The following ZFYVE28 variants were observed in gnomAD, a reference collection of about 807,000 sequenced individuals.
ZFYVE28 encodes the protein zinc finger FYVE-type containing 28.
In ZFYVE28, 40 loss-of-function variants were observed where a neutral mutation model predicts 82.1. That is an observed-to-expected ratio of 0.49 (90% confidence interval 0.38 to 0.63). The LOEUF is 0.63. Among genes scored for constraint, ZFYVE28 ranks in the 30% least tolerant of loss-of-function variants. ZFYVE28 has a pLI of 0.00. For missense variants in ZFYVE28, 1,321 were observed against 1,242.1 expected (o/e 1.06, Z -0.96); for synonymous variants, 612 against 546.1 (o/e 1.12, Z -1.68).
rs1040586431 is a variant in ZFYVE28 at position 2,409,272 on chromosome 4, C to A, written c.39+9013G>T. ...CACCAGGCCCAGATCCATCTACTTT[C>A]TCCATCCAGAGTCGCCTGCTGCCAT... On this transcript the variant is annotated intron_variant, in intron 1 of 12. Coordinates refer to ENST00000290974, the MANE Select transcript of ZFYVE28 (RefSeq NM_020972.3). This position sits in a 1 kb window ranked among gnomAD's most constrained non-coding sequence, Gnocchi z 4.4. Among the ~76,000 whole-genome samples, 5 of 149,860 alleles carry A rather than the reference C, an allele frequency of 3.3e-5. No individual in the cohort carries two copies. Among genetic ancestry groups the A allele is most frequent in the African/African-American group, 1.2e-4 (5 of 40,834 alleles).
At chr4:2,346,151 A>G (rs1723521841) in intron 2 of ZFYVE28, among the ~76,000 whole-genome samples, 1 of 144,906 alleles carries the variant, frequency 6.9e-6, no homozygotes, top group Admixed American at 7.1e-5. Context: ...ATACGGTGAA[A>G]CCCCGTCTCT....
chr4:2,346,614 G>A (rs1489877596), intron 2 of ZFYVE28, among the ~76,000 whole-genome samples: 1 of 152,138 alleles, frequency 6.6e-6, no homozygotes, highest in African/African-American at 2.4e-5. Context: ...AGGTCCAGTA[G>A]GAGAAATGGA....
intron 8 of ZFYVE28, among the ~76,000 whole-genome samples, chr4:2,302,944 C>T (rs767065808): frequency 7.9e-5 from 12 of 152,238 alleles, no homozygotes; most frequent in African/African-American, 1.2e-4. Flanking sequence ...GCCTTCAAAA[C>T]GCGGAGGACG....
intron 7 of ZFYVE28, among the ~76,000 whole-genome samples, chr4:2,314,651 T>C (rs909947960): frequency 1.3e-5 from 2 of 152,208 alleles, no homozygotes; most frequent in Non-Finnish European, 2.9e-5. Flanking sequence ...CATTTACCCC[T>C]TTCTGTCTTT....
At chr4:2,322,355 G>A (rs147941075) in intron 6 of ZFYVE28, among the ~76,000 whole-genome samples, 15 of 152,358 alleles carry the variant, frequency 9.8e-5, no homozygotes, top group African/African-American at 3.4e-4. Context: ...TGCAGCCGCT[G>A]CCCATGGCTA....
chr4:2,387,414 A>C (rs1408993465), intron 1 of ZFYVE28, among the ~76,000 whole-genome samples: 1 of 152,184 alleles, frequency 6.6e-6, no homozygotes, highest in East Asian at 1.9e-4. Context: ...CGGAAGCAGG[A>C]GACCCAAGTC....
At chr4:2,291,745 C>A (rs1713738611) in intron 8 of ZFYVE28, among the ~76,000 whole-genome samples, 1 of 152,218 alleles carries the variant, frequency 6.6e-6, no homozygotes, top group Non-Finnish European at 1.5e-5. Context: ...GCCTGCCACA[C>A]TTGCCGATGC....
In ZFYVE28 at chr4:2,394,424, C is replaced by G. The variant is rs554416165; in HGVS notation, c.39+23861G>C. Among the ~76,000 whole-genome samples, 1 of 152,308 alleles carries G rather than the reference C, an allele frequency of 6.6e-6. No homozygotes were observed. The highest frequency in any genetic ancestry group is 6.5e-5 in the Admixed American group (1 of 15,298). ...TGCTCCAATGCCTGGACCTGGAGGG[C>G]TCCTTCACGTTGCCAGCTGACTGGC... On this transcript the variant is annotated intron_variant, in intron 1 of 12. Transcript: ENST00000290974. This position sits in a 1 kb window ranked among gnomAD's most constrained non-coding sequence, Gnocchi z 4.0.
At chr4:2,345,449 TTAACCTCAGATTCAATA>T (rs1475597553) in intron 2 of ZFYVE28, among the ~76,000 whole-genome samples, 1 of 151,788 alleles carries the variant, frequency 6.6e-6, no homozygotes, top group Non-Finnish European at 1.5e-5. Context: ...CTGCATGAGA[TTAACCTCAGATTCAATA>T]TTTCAGAAAA....
rs1456365601 is a variant in ZFYVE28 at position 2,304,939 on chromosome 4, G to A, written c.1401C>T (p.Gly467=). Residue 467 remains glycine (G), a synonymous_variant, in exon 8 of 13, where the codon GGC becomes GGT. Transcript: ENST00000290974. ...TGCCCGCGAGGCTGGCCCCATCTGT[G>A]CCCTCGGCCTCGAGATTGTTGTTGC... ...DLSNNNLEAE[G]TDGASLAGTS... 6.2e-7 allele frequency: 1 copy of A among 1,612,664 alleles called. No homozygotes were observed.
chr4:2,335,870 G>A lies in ZFYVE28; in HGVS notation c.612-76C>T. 7.7e-7 allele frequency: 1 copy of A among 1,296,920 alleles called. No individual in the cohort carries two copies. 80.3% of individuals were successfully genotyped at this position (1,296,920 alleles called of 1,614,324 possible). A position where few individuals can be genotyped will look rare whatever the true frequency, so the allele number is the denominator to read the frequency against. ...CACAGGTTGGACCCCAGCAGGGACA[G>A]GCAGTGCGCTCAATCTGTACCTGCA... On this transcript the variant is annotated intron_variant, in intron 5 of 12. Transcript: ENST00000290974. The surrounding 1 kb of genome is among the most constrained non-coding windows in gnomAD (Gnocchi z 5.8).
At chr4:2,331,216 C>T (rs1037878161) in intron 6 of ZFYVE28, among the ~76,000 whole-genome samples, 4 of 151,816 alleles carry the variant, frequency 2.6e-5, no homozygotes, top group South Asian at 2.1e-4. Flanking sequence ...TGGGAAGCGT[C>T]GCACACACAC....
At chr4:2,279,375 G>A (rs544452169) in intron 8 of ZFYVE28, among the ~76,000 whole-genome samples, 5 of 152,210 alleles carry the variant, frequency 3.3e-5, no homozygotes, top group African/African-American at 4.8e-5. Context: ...AGGTTGCAGT[G>A]AGCCAAGATC....
chr4:2,350,188 G>A (rs955738034), intron 2 of ZFYVE28, among the ~76,000 whole-genome samples: 1 of 152,164 alleles, frequency 6.6e-6, no homozygotes, highest in Admixed American at 6.5e-5. Context: ...TTGTAGGCCG[G>A]GCGCAGTGGC....
chr4:2,335,966 A>G lies in ZFYVE28; in HGVS notation c.612-172T>C, dbSNP rs1276755896. 2.0e-5 allele frequency among the ~76,000 whole-genome samples: 3 copies of G among 152,184 alleles called. No homozygotes were observed. The highest frequency in any genetic ancestry group is 2.0e-4 in the Admixed American group (3 of 15,286). Reference sequence around the variant, plus strand: ...GTCCTCATATGTGCAAGGGGCTGGGACTGCAGGAAAAGGCCACACACTTCC... The same window carrying G: ...GTCCTCATATGTGCAAGGGGCTGGGGCTGCAGGAAAAGGCCACACACTTCC... On this transcript the variant is annotated intron_variant, in intron 5 of 12. Transcript: ENST00000290974. The surrounding 1 kb of genome is among the most constrained non-coding windows in gnomAD (Gnocchi z 5.8).
chr4:2,323,654 T>C (rs13128902), intron 6 of ZFYVE28, among the ~76,000 whole-genome samples: 3 of 151,344 alleles, frequency 2.0e-5, no homozygotes, highest in Non-Finnish European at 4.4e-5. Context: ...TAACTCGTCA[T>C]CTAGCATTAG....
At chr4:2,356,408 C>T (rs530679917) in intron 1 of ZFYVE28, among the ~76,000 whole-genome samples, 5 of 139,524 alleles carry the variant, frequency 3.6e-5, no homozygotes, top group Admixed American at 7.2e-5. Flanking sequence ...ACCCCGCCCC[C>T]CCGGCAGTTG....
chr4:2,276,190 CT>C (rs916083113), intron 8 of ZFYVE28, among the ~76,000 whole-genome samples: 4 of 151,864 alleles, frequency 2.6e-5, no homozygotes, highest in East Asian at 1.9e-4. Context: ...ACGGGGCCCC[CT>C]CCCTCATGGC....
intron 8 of ZFYVE28, among the ~76,000 whole-genome samples, chr4:2,289,569 C>G (rs1299687394): frequency 6.6e-6 from 1 of 152,140 alleles, no homozygotes; most frequent in Non-Finnish European, 1.5e-5. Flanking sequence ...GGGCACGGAG[C>G]CAGGTGCAGC....
Sources: allele counts gnomAD v4.1 joint callset (sites outside exome capture counted in the v4.1 genomes callset), GRCh38; gene constraint gnomAD v4.1.1; non-coding constraint Gnocchi (gnomAD v3.1); transcripts MANE v1.5; gene names NCBI Gene and HGNC (gene_info 2026-07-23, HGNC 2026-07-21).